The following RGS7BP variants were observed in gnomAD, a reference collection of about 807,000 sequenced individuals.
RGS7BP encodes regulator of G protein signaling 7-binding protein.
In RGS7BP, 9 loss-of-function variants were observed where a neutral mutation model predicts 31.3. The ratio of observed to expected loss-of-function variants is 0.29; its 90% CI spans 0.17 to 0.50. The LOEUF (loss-of-function observed/expected upper bound fraction) is 0.50. Ranked by LOEUF, RGS7BP falls within the 20% of genes least tolerant of loss-of-function variation. The pLI is 0.98. For synonymous variants in RGS7BP, 115 were observed against 120.1 expected, an observed-to-expected ratio of 0.96 and a Z score of 0.28; for missense variants, 274 against 322.0, an observed-to-expected ratio of 0.85 and a Z score of 1.14.
intron 2 of RGS7BP, among the ~76,000 whole-genome samples, chr5:64,520,395 C>T (rs752535575): frequency 5.3e-5 from 8 of 152,100 alleles, no homozygotes; most frequent in Non-Finnish European, 1.0e-4. Flanking sequence ...TCCTCAGCTA[C>T]TAAGAGGAGG....
At chr5:64,544,431 T>C (rs1007304409) in intron 2 of RGS7BP, among the ~76,000 whole-genome samples, 1 of 151,764 alleles carries the variant, frequency 6.6e-6, no homozygotes, top group Admixed American at 6.6e-5. Context: ...TCCCAGCACA[T>C]TGGGAGGCTG....
At chr5:64,588,551 C>T (rs1206139431) in intron 3 of RGS7BP, among the ~76,000 whole-genome samples, 1 of 152,180 alleles carries the variant, frequency 6.6e-6, no homozygotes, top group Non-Finnish European at 1.5e-5. Flanking sequence ...AAAAAACCAG[C>T]ACAAATGCTA....
At chr5:64,534,631 G>T (rs916388682) in intron 2 of RGS7BP, among the ~76,000 whole-genome samples, 1 of 152,118 alleles carries the variant, frequency 6.6e-6, no homozygotes, top group African/African-American at 2.4e-5. Flanking sequence ...GGGAGGTCTA[G>T]GTGAGGTACC....
At chr5:64,553,651 A>G (rs1486348967) in intron 2 of RGS7BP, among the ~76,000 whole-genome samples, 3 of 151,936 alleles carry the variant, frequency 2.0e-5, no homozygotes, top group Non-Finnish European at 4.4e-5. Context: ...TAGTTCTATG[A>G]CCCCTGAGAA....
intron 3 of RGS7BP, among the ~76,000 whole-genome samples, chr5:64,586,708 T>A (rs755847636): frequency 6.6e-6 from 1 of 152,214 alleles, no homozygotes; most frequent in Non-Finnish European, 1.5e-5. Flanking sequence ...CCTAGCAGAG[T>A]GCCTCAGGCA....
intron 2 of RGS7BP, among the ~76,000 whole-genome samples, chr5:64,517,909 A>C (rs1749015534): frequency 6.6e-6 from 1 of 151,612 alleles, no homozygotes; most frequent in African/African-American, 2.4e-5. Flanking sequence ...GAGACTCTTT[A>C]AAAAATTTTT....
chr5:64,521,926 G>A (rs1321496485), intron 2 of RGS7BP, among the ~76,000 whole-genome samples: 1 of 152,284 alleles, frequency 6.6e-6, no homozygotes, highest in East Asian at 1.9e-4. Context: ...AAAGTAACTG[G>A]AAAACAAGTC....
chr5:64,581,139 G>T (rs528630342), intron 3 of RGS7BP, among the ~76,000 whole-genome samples: 60 of 152,208 alleles, frequency 3.9e-4, no homozygotes, highest in African/African-American at 1.3e-3. Flanking sequence ...GCTTGAGGTG[G>T]GATGCAGAGA....
intron 2 of RGS7BP, among the ~76,000 whole-genome samples, chr5:64,553,153 T>C (rs1741835827): frequency 6.7e-6 from 1 of 149,362 alleles, no homozygotes; most frequent in Non-Finnish European, 1.5e-5. Flanking sequence ...CTGTAGGACT[T>C]CCTTCCTTTC....
chr5:64,545,463 T>C (rs1041444343), intron 2 of RGS7BP, among the ~76,000 whole-genome samples: 6 of 151,684 alleles, frequency 4.0e-5, no homozygotes, highest in African/African-American at 1.4e-4. Flanking sequence ...TAGAGAACCA[T>C]TGAAGAGTTT....
At chr5:64,550,274 G>C (rs1159508812) in intron 2 of RGS7BP, among the ~76,000 whole-genome samples, 4 of 152,210 alleles carry the variant, frequency 2.6e-5, no homozygotes, top group Non-Finnish European at 5.9e-5. Context: ...GAACATTCAA[G>C]ATCAGGATGC....
At chr5:64,557,984 G>A (rs570407958) in intron 2 of RGS7BP, among the ~76,000 whole-genome samples, 1 of 152,198 alleles carries the variant, frequency 6.6e-6, no homozygotes, top group African/African-American at 2.4e-5. Context: ...AGTAAAACCT[G>A]GAGTGCAAAC....
chr5:64,511,908 G>A (rs1444967424), intron 2 of RGS7BP, among the ~76,000 whole-genome samples: 1 of 152,140 alleles, frequency 6.6e-6, no homozygotes, highest in Non-Finnish European at 1.5e-5. Context: ...GTGAAGCAGG[G>A]ACCACATGTC....
intron 2 of RGS7BP, among the ~76,000 whole-genome samples, chr5:64,564,644 G>C (rs1742128305): frequency 6.6e-6 from 1 of 152,118 alleles, no homozygotes; most frequent in African/African-American, 2.4e-5. Context: ...CACTAAAATT[G>C]ATGCAAGCAT....
chr5:64,522,616 G>C (rs1301628952), intron 2 of RGS7BP, among the ~76,000 whole-genome samples: 2 of 152,162 alleles, frequency 1.3e-5, no homozygotes, highest in Non-Finnish European at 2.9e-5. Flanking sequence ...GCACCATAAT[G>C]CAAAATCACT....
intron 5 of RGS7BP, among the ~76,000 whole-genome samples, chr5:64,600,612 A>G (rs1005111440): frequency 6.6e-6 from 1 of 152,218 alleles, no homozygotes; most frequent in African/African-American, 2.4e-5. Context: ...CCTTGGATCT[A>G]TCTGGGGAAC....
rs183322453 is a variant in RGS7BP, at chr5:64,540,583, G to A, written c.332+32706G>A. On this transcript the variant is annotated intron_variant, in intron 2 of 5. Transcript: ENST00000334025. ...TTTTCCTTGGTATAAATTTATAAAA[G>A]TAAAATACAAGTCAGAGAGTATTAC... Among the ~76,000 whole-genome samples, 199 of 152,142 alleles carry A rather than the reference G, an allele frequency of 1.3e-3. 1 individual carries two copies. Among genetic ancestry groups the A allele is most frequent in the African/African-American group, 4.4e-3 (184 of 41,508 alleles).
intron 2 of RGS7BP, chr5:64,573,602 A>T (rs1014651014): frequency 6.6e-6 from 1 of 151,072 alleles, no homozygotes; most frequent in African/African-American, 2.4e-5. Context: ...AATTGAAATG[A>T]TACAGAAAAG....
At chr5:64,585,909 G>T (rs1256647822) in intron 3 of RGS7BP, among the ~76,000 whole-genome samples, 4 of 152,068 alleles carry the variant, frequency 2.6e-5, no homozygotes, top group Non-Finnish European at 5.9e-5. Flanking sequence ...TGCTCTAAGG[G>T]TTCTCTTCCT....
Sources: allele counts gnomAD v4.1 joint callset (sites outside exome capture counted in the v4.1 genomes callset), GRCh38; gene constraint gnomAD v4.1.1; transcripts MANE v1.5; gene names NCBI Gene and HGNC (gene_info 2026-07-23, HGNC 2026-07-21).